ALG1: variants seen among roughly 807,000 people sequenced by gnomAD.
The protein encoded by ALG1 is chitobiosyldiphosphodolichol beta-mannosyltransferase.
A neutral mutation model predicts 55.1 loss-of-function variants in ALG1; 58 were observed. That is an observed-to-expected ratio of 1.05 (90% CI 0.85 to 1.31). ALG1 has a LOEUF of 1.31. Ranked by LOEUF, ALG1 falls within the 50% of genes most tolerant of loss-of-function variation. The pLI is 0.00. For synonymous variants in ALG1, 309 were observed against 247.0 expected (o/e 1.25, Z -2.35); for missense variants, 761 against 598.6 (o/e 1.27, Z -2.83).
chr16:5,082,806 G>T, intron 11 of ALG1, 133 bp downstream of exon 11: 1 of 1,009,012 alleles, frequency 9.9e-7, no homozygotes, highest in Non-Finnish European at 1.5e-6. Context: ...AGGCCATGAG[G>T]AGGAGCCCTG....
chr16:5,076,626 C>A (rs7188762), intron 4 of ALG1, among the ~76,000 whole-genome samples: 82,426 of 151,962 alleles, frequency 0.54, 22,616 homozygotes, highest in South Asian at 0.69. Flanking sequence ...ATGCCGTGTT[C>A]CGGCTCTACC....
rs28747393 is a variant in ALG1 at position 5,081,183 on chromosome 16, G to C, written c.1072+127G>C. On this transcript the variant is annotated intron_variant, in intron 10 of 12. Coordinates refer to ENST00000262374, the MANE Select transcript of ALG1 (RefSeq NM_019109.5). ...ACCTGGGCTCTGGCTGAACTCCCAG[G>C]AGGAGGCTACTTCCTGGTGTGCCAG... 113,024 of 1,180,936 alleles carry C rather than the reference G, an allele frequency of 0.096. 5,803 individuals carry two copies. The highest frequency in any genetic ancestry group is 0.15 in the Admixed American group (6,583 of 43,820). 73.2% of individuals were successfully genotyped at this position (1,180,936 alleles called of 1,614,324 possible).
At chr16:5,075,228 T>TA (rs1241964428) in intron 3 of ALG1, among the ~76,000 whole-genome samples, 160 bp from the exon 4 acceptor site, 8 of 152,330 alleles carry the variant, frequency 5.3e-5, no homozygotes, top group African/African-American at 1.4e-4. Context: ...TATGACTTTT[T>TA]ACATCTATTT....
chr16:5,078,333 T>C, intron 6 of ALG1: 1 of 605,836 alleles, frequency 1.7e-6, no homozygotes, highest in Non-Finnish European at 3.1e-6. Flanking sequence ...CTTACTCTCC[T>C]GCCAGTGGCT....
chr16:5,081,268 C>A (rs1225500921), intron 10 of ALG1, among the ~76,000 whole-genome samples: 1 of 152,232 alleles, frequency 6.6e-6, no homozygotes, highest in Admixed American at 6.5e-5. Context: ...AGGCCACGTC[C>A]TTTCAGCCTG....
intron 10 of ALG1, 31 bp downstream of exon 10, chr16:5,081,087 G>A: frequency 1.3e-6 from 2 of 1,587,466 alleles, no homozygotes; most frequent in South Asian, 2.2e-5. Flanking sequence ...TCAGGGAGGA[G>A]GCGGGGGGAA....
chr16:5,080,821 C>G, intron 9 of ALG1, 125 bp from the exon 10 acceptor site: 1 of 1,341,528 alleles, frequency 7.5e-7, no homozygotes, highest in South Asian at 1.2e-5. Context: ...TGGGGCCTGA[C>G]TGGAGCTGCT....
chr16:5,083,597 G>T, intron 11 of ALG1, 85 bp from the exon 12 acceptor site: 2 of 1,594,710 alleles, frequency 1.3e-6, no homozygotes, highest in Non-Finnish European at 1.7e-6. Flanking sequence ...TTGAGCATGG[G>T]GTGTGTGGGG....
In ALG1 at chr16:5,078,037, C is replaced by T. The variant is rs745454641; in HGVS notation, c.740+20C>T. Reference sequence around the variant, plus strand: ...GGCCCGGTAGGCCTCCCATCCTCAGCTGCCTTCTCTCCTGCTCGCCACTGC... The same window carrying T: ...GGCCCGGTAGGCCTCCCATCCTCAGTTGCCTTCTCTCCTGCTCGCCACTGC... On this transcript the variant is annotated intron_variant, in intron 6 of 12. Coordinates refer to ENST00000262374, the MANE Select transcript of ALG1 (RefSeq NM_019109.5). The T allele has an allele frequency of 6.9e-6, 11 of 1,596,404 alleles. No individual in the cohort carries two copies. The highest frequency in any genetic ancestry group is 4.5e-4 in the Middle Eastern group (2 of 4,450).
chr16:5,078,607 C>T, intron 6 of ALG1, 150 bp from the exon 7 acceptor site: 1 of 1,359,270 alleles, frequency 7.4e-7, no homozygotes, highest in East Asian at 2.3e-5. Context: ...CAAGCCCAGG[C>T]CTCAGATGGC....
At position 5,073,264 on chromosome 16, in the gene ALG1, T is replaced by G. The variant is rs1447130076; in HGVS notation, c.390+8T>G. On this transcript the variant is annotated splice_region_variant and intron_variant, in intron 3 of 12. Coordinates refer to ENST00000262374, the MANE Select transcript of ALG1 (RefSeq NM_019109.5). ...GCCTATATCTTTCTCCAGGTGTGTA[T>G]CAGCCTCTGCCTCCCTCTGTGAGAG... 1.9e-6 allele frequency: 3 copies of G among 1,612,634 alleles called. No homozygotes were observed. Among genetic ancestry groups the G allele is most frequent in the Non-Finnish European group, 2.5e-6 (3 of 1,178,900 alleles).
rs1298741017 is a variant in ALG1 at position 5,086,351 on chromosome 16, A to C, written c.*1470A>C. 6.6e-6 allele frequency: 1 copy of C among 150,988 alleles called. No homozygotes were observed. Among genetic ancestry groups the C allele is most frequent in the Non-Finnish European group, 1.5e-5 (1 of 68,746 alleles). 9.4% of individuals were successfully genotyped at this position (150,988 alleles called of 1,614,324 possible). ...CTAAGTCTCAAAAAAAAAAAAAAAA[A>C]ACCACACGCACCACACACACACCCA... On this transcript the variant is annotated 3_prime_UTR_variant, in exon 13 of 13. Coordinates refer to ENST00000262374, the MANE Select transcript of ALG1 (RefSeq NM_019109.5).
At position 5,076,856 on chromosome 16, in the gene ALG1, G is replaced by C. The variant is rs375088741; in HGVS notation, c.540-589G>C. Among the ~76,000 whole-genome samples, 58 of 141,542 alleles carry C rather than the reference G, an allele frequency of 4.1e-4. 1 individual carries two copies. The highest frequency in any genetic ancestry group is 1.5e-3 in the African/African-American group (57 of 38,000). The allele number at this position is 141,542 out of a possible 152,430, so 92.9% of individuals were successfully genotyped here. On this transcript the variant is annotated intron_variant, in intron 4 of 12. Transcript: ENST00000262374. The stretch of plus-strand genomic sequence containing the variant: ...ATGTCCCAGACTGGAGTGCAATGGC[G>C]CCATCTCGGCTCACTGCAGCCTCCG...
At position 5,086,383 on chromosome 16, in the gene ALG1, C is replaced by T. The variant is rs1464533634; in HGVS notation, c.*1502C>T. 1.3e-5 allele frequency: 2 copies of T among 151,918 alleles called. No homozygotes were observed. The highest frequency in any genetic ancestry group is 4.9e-5 in the African/African-American group (2 of 41,100). 9.4% of individuals were successfully genotyped at this position (151,918 alleles called of 1,614,324 possible). A position where few individuals can be genotyped will look rare whatever the true frequency, so the allele number is the denominator to read the frequency against. On this transcript the variant is annotated 3_prime_UTR_variant, in exon 13 of 13. Transcript: ENST00000262374. ...CGCACCACACACACACCCACACACA[C>T]ACACAGCTTAGAAGGGGCTGCTGTT...
intron 9 of ALG1, 23 bp downstream of exon 9, chr16:5,079,830 T>C: frequency 6.2e-7 from 1 of 1,610,472 alleles, no homozygotes; most frequent in Non-Finnish European, 8.5e-7. Flanking sequence ...ACCCTGGGTG[T>C]CTGTTTGGTT....
chr16:5,083,589 G>T, intron 11 of ALG1, 93 bp from the exon 12 acceptor site: 1 of 1,592,262 alleles, frequency 6.3e-7, no homozygotes. Context: ...AGCCTGGCTT[G>T]AGCATGGGGT....
chr16:5,075,243 G>A, intron 3 of ALG1, 145 bp from the exon 4 acceptor site: 1 of 907,030 alleles, frequency 1.1e-6, no homozygotes, highest in Admixed American at 1.8e-5. Context: ...CTATTTTGGT[G>A]GTGGAGAGGG....
chr16:5,072,433 G>A (rs971061025), intron 1 of ALG1: 2 of 455,706 alleles, frequency 4.4e-6, no homozygotes, highest in Non-Finnish European at 7.7e-6. Flanking sequence ...GCAGAGCTCT[G>A]CAGACAGATG....
chr16:5,085,101 T>C lies in ALG1; in HGVS notation c.*220T>C, dbSNP rs1957109092. On this transcript the variant is annotated 3_prime_UTR_variant, in exon 13 of 13. Transcript: ENST00000262374. ...GGCTTGGAAACGCTTCCTCTCTTCT[T>C]CTGTTCTTCACGCCCCATGCCCCTG... The C allele has an allele frequency of 1.3e-6, 1 of 799,040 alleles. No homozygotes were observed. Among genetic ancestry groups the C allele is most frequent in the Non-Finnish European group, 2.0e-6 (1 of 509,568 alleles). 49.5% of individuals were successfully genotyped at this position (799,040 alleles called of 1,614,324 possible).
Sources: allele counts gnomAD v4.1 joint callset (sites outside exome capture counted in the v4.1 genomes callset), GRCh38; gene constraint gnomAD v4.1.1; transcripts MANE v1.5; gene names NCBI Gene and HGNC (gene_info 2026-07-23, HGNC 2026-07-21).